The following PAPPA2 variants were observed in gnomAD, a reference collection of about 807,000 sequenced individuals.
PAPPA2 encodes the protein pappalysin 2.
PAPPA2 carries 86 observed loss-of-function variants against 176.4 expected under a neutral mutation model. That is an observed-to-expected ratio of 0.49 (90% CI 0.41 to 0.58). The LOEUF is 0.58. Ranked by LOEUF, PAPPA2 falls within the 20% of genes least tolerant of loss-of-function variation. The pLI is 0.00. For synonymous variants in PAPPA2, 809 were observed against 852.2 expected, an observed-to-expected ratio of 0.95 and a Z score of 0.88; for missense variants, 2,073 against 2,256.9, an observed-to-expected ratio of 0.92 and a Z score of 1.65.
At chr1:176,604,019 A>G (rs1035112129) in intron 3 of PAPPA2, among the ~76,000 whole-genome samples, 7 of 152,054 alleles carry the variant, frequency 4.6e-5, no homozygotes, top group Admixed American at 1.3e-4. Flanking sequence ...TCCTTATTGC[A>G]CTCCAGCCAC....
intron 1 of PAPPA2, among the ~76,000 whole-genome samples, chr1:176,490,473 T>A (rs1317056064): frequency 6.6e-6 from 1 of 152,090 alleles, no homozygotes; most frequent in Non-Finnish European, 1.5e-5. Flanking sequence ...TGCTTGCCTG[T>A]AAAACTGTCC....
At chr1:176,778,056 A>T (rs1664540065) in intron 17 of PAPPA2, among the ~76,000 whole-genome samples, 2 of 152,060 alleles carry the variant, frequency 1.3e-5, no homozygotes, top group South Asian at 4.2e-4. Flanking sequence ...ATTAAAAAAA[A>T]AAAAAAGCAC....
intron 14 of PAPPA2, among the ~76,000 whole-genome samples, chr1:176,750,493 T>C (rs1470802503): frequency 2.0e-5 from 3 of 151,958 alleles, no homozygotes; most frequent in Admixed American, 2.0e-4. Flanking sequence ...TAATCCCAGC[T>C]ACTTGGGAGG....
intron 3 of PAPPA2, among the ~76,000 whole-genome samples, chr1:176,604,354 G>A (rs918253415): frequency 8.6e-5 from 13 of 151,992 alleles, no homozygotes; most frequent in Non-Finnish European, 1.5e-4. Context: ...GTTTTTATAC[G>A]TTTGGGCGAC....
In PAPPA2 at chr1:176,556,552, A is replaced by G. The variant is rs369906630; in HGVS notation, c.230A>G (p.Asn77Ser). Residue 77 changes from asparagine to serine, a missense_variant, in exon 2 of 23, where the codon AAC becomes AGC. Physicochemically the swap from Asn to Ser is conservative, Grantham distance 46. Coordinates refer to ENST00000367662, the MANE Select transcript of PAPPA2 (RefSeq NM_020318.3). ...GGAGTCTACCCCAGCAGGGCTGGGAACTACCTAAGGCCCTACCCCGTGGGG... is the reference window on the plus strand; with the variant it reads ...GGAGTCTACCCCAGCAGGGCTGGGAGCTACCTAAGGCCCTACCCCGTGGGG... ...LFGVYPSRAG[N>S]YLRPYPVGEQ... The G allele has an allele frequency of 7.4e-6, 12 of 1,614,210 alleles. No individual in the cohort carries two copies. Among genetic ancestry groups the G allele is most frequent in the Non-Finnish European group, 8.5e-6 (10 of 1,180,024 alleles).
intron 3 of PAPPA2, among the ~76,000 whole-genome samples, chr1:176,623,726 CTCTT>C (rs1231490449): frequency 7.2e-5 from 7 of 97,436 alleles, no homozygotes; most frequent in East Asian, 2.7e-4. Flanking sequence ...TTCTTTCTTT[CTCTT>C]TCTTTCTTTC....
At chr1:176,777,541 T>A (rs1013598716) in intron 17 of PAPPA2, among the ~76,000 whole-genome samples, 3 of 151,918 alleles carry the variant, frequency 2.0e-5, no homozygotes, top group African/African-American at 7.3e-5. Context: ...CTAAGAAGGG[T>A]TTTCTTAGTC....
At chr1:176,636,983 C>T (rs1185392630) in intron 3 of PAPPA2, among the ~76,000 whole-genome samples, 1 of 151,972 alleles carries the variant, frequency 6.6e-6, no homozygotes, top group East Asian at 1.9e-4. Context: ...ATTGTGGATT[C>T]CATACAGCCA....
intron 1 of PAPPA2, among the ~76,000 whole-genome samples, chr1:176,514,558 A>G (rs1370291802): frequency 1.3e-5 from 2 of 152,232 alleles, no homozygotes; most frequent in Admixed American, 6.5e-5. Context: ...ACTTAAGTCA[A>G]AACCTCAGTG....
At position 176,843,776 on chromosome 1, in the gene PAPPA2, T is replaced by A. The variant is rs1557908426; in HGVS notation, c.*1322T>A. On this transcript the variant is annotated 3_prime_UTR_variant, in exon 23 of 23. Coordinates refer to ENST00000367662, the MANE Select transcript of PAPPA2 (RefSeq NM_020318.3). ...AGGGAGACTCGGTCCTTGTTCCAAG[T>A]CTCCAAAGAAGACCAAAGTGGGTCC... The A allele has an allele frequency of 6.6e-6, 1 of 152,002 alleles. No homozygotes were observed. Among genetic ancestry groups the A allele is most frequent in the Non-Finnish European group, 1.5e-5 (1 of 67,992 alleles). The allele number at this position is 152,002 out of a possible 1,614,324, so 9.4% of individuals were successfully genotyped here.
chr1:176,571,695 C>T (rs1652345924), intron 2 of PAPPA2, among the ~76,000 whole-genome samples: 1 of 152,204 alleles, frequency 6.6e-6, no homozygotes, highest in African/African-American at 2.4e-5. Flanking sequence ...TGTGATATAA[C>T]TTAGCATGAA....
At chr1:176,492,390 A>G (rs1464682060) in intron 1 of PAPPA2, among the ~76,000 whole-genome samples, 1 of 152,222 alleles carries the variant, frequency 6.6e-6, no homozygotes, top group Non-Finnish European at 1.5e-5. Context: ...TGTTGATGAT[A>G]TTCTGAGACT....
chr1:176,551,498 C>G lies in PAPPA2; in HGVS notation c.-916-3909C>G, dbSNP rs2294652. Among the ~76,000 whole-genome samples, 555 of 152,304 alleles carry G rather than the reference C, an allele frequency of 3.6e-3. 7 individuals are homozygous for G. The East Asian group carries it at 0.051, about 14-fold the overall frequency. On this transcript the variant is annotated intron_variant, in intron 1 of 22. Coordinates refer to ENST00000367662, the MANE Select transcript of PAPPA2 (RefSeq NM_020318.3). Reference sequence around the variant, plus strand: ...CACATTAAGGGGCATCTCTCTTTCTCTCTGTCTTGCTCTCGCTCTCTCTCT... The same window carrying G: ...CACATTAAGGGGCATCTCTCTTTCTGTCTGTCTTGCTCTCGCTCTCTCTCT...
intron 1 of PAPPA2, among the ~76,000 whole-genome samples, chr1:176,485,455 C>T (rs1458521094): frequency 6.6e-6 from 1 of 152,174 alleles, no homozygotes. Context: ...ATGATTCACT[C>T]TCCCACTCTT....
At chr1:176,786,688 C>T (rs576893008) in intron 17 of PAPPA2, among the ~76,000 whole-genome samples, 47 of 152,280 alleles carry the variant, frequency 3.1e-4, no homozygotes, top group Non-Finnish European at 6.0e-4. Context: ...GCAGGAGGAC[C>T]GGGGGCTTCT....
intron 1 of PAPPA2, among the ~76,000 whole-genome samples, chr1:176,502,334 A>G (rs773013422): frequency 8.6e-5 from 13 of 152,026 alleles, no homozygotes; most frequent in Non-Finnish European, 1.8e-4. Flanking sequence ...TAGCTATAAC[A>G]TAGCTGTGAA....
intron 14 of PAPPA2, among the ~76,000 whole-genome samples, chr1:176,743,121 A>G (rs1296362778): frequency 2.0e-5 from 3 of 152,200 alleles, no homozygotes; most frequent in Non-Finnish European, 4.4e-5. Context: ...TCAAAATGAA[A>G]AAGCAAGCCT....
chr1:176,769,817 G>A (rs1664144107), intron 16 of PAPPA2, 33 bp downstream of exon 16: 1 of 1,552,334 alleles, frequency 6.4e-7, no homozygotes, highest in African/African-American at 1.4e-5. Flanking sequence ...CTGTATGCAA[G>A]TTCTCTGCCA....
chr1:176,562,107 G>T (rs539391264), intron 2 of PAPPA2, among the ~76,000 whole-genome samples: 1 of 152,280 alleles, frequency 6.6e-6, no homozygotes, highest in South Asian at 2.1e-4. Flanking sequence ...GATTTGGGTG[G>T]GGACAGAGTC....
Sources: allele counts gnomAD v4.1 joint callset (sites outside exome capture counted in the v4.1 genomes callset), GRCh38; gene constraint gnomAD v4.1.1; transcripts MANE v1.5; gene names NCBI Gene and HGNC (gene_info 2026-07-23, HGNC 2026-07-21).